BMAL2: variants seen among roughly 807,000 people sequenced by gnomAD.
BMAL2 encodes the protein basic helix-loop-helix ARNT-like protein 2.
At chr12:27,336,465 T>C in the BMAL2 span, among the ~76,000 whole-genome samples, 1 of 152,146 alleles carries the variant, frequency 6.6e-6, no homozygotes, top group South Asian at 2.1e-4. Flanking sequence ...ATGTTCTCTG[T>C]AGTAGCGTGT....
chr12:27,354,529 T>G, the BMAL2 span, among the ~76,000 whole-genome samples: 2 of 152,150 alleles, frequency 1.3e-5, no homozygotes, highest in Admixed American at 1.3e-4. Flanking sequence ...ACATGCAGTT[T>G]ACACATATAA....
At chr12:27,409,213 A>G in the BMAL2 span, among the ~76,000 whole-genome samples, 2 of 152,166 alleles carry the variant, frequency 1.3e-5, no homozygotes, top group Admixed American at 6.5e-5. Context: ...CAAGCTACCA[A>G]TGACTTTCTT....
At chr12:27,408,686 G>T in the BMAL2 span, among the ~76,000 whole-genome samples, 1 of 152,194 alleles carries the variant, frequency 6.6e-6, no homozygotes, top group Non-Finnish European at 1.5e-5. Context: ...ACTGGCACAA[G>T]ACAGGGATGC....
chr12:27,377,875 G>A, the BMAL2 span, among the ~76,000 whole-genome samples: 1 of 152,330 alleles, frequency 6.6e-6, no homozygotes, highest in Non-Finnish European at 1.5e-5. Context: ...TTCCAGGAGT[G>A]TCATTGCCGA....
the BMAL2 span, among the ~76,000 whole-genome samples, chr12:27,333,557 C>A: frequency 1.3e-5 from 2 of 152,278 alleles, no homozygotes; most frequent in African/African-American, 2.4e-5. Flanking sequence ...AGCCTCGGAC[C>A]TAGCCCGGTT....
At chr12:27,410,379 A>G in the BMAL2 span, among the ~76,000 whole-genome samples, 3 of 152,250 alleles carry the variant, frequency 2.0e-5, no homozygotes, top group African/African-American at 7.2e-5. Flanking sequence ...GATTAAGAAA[A>G]TGTGGCACAT....
the BMAL2 span, among the ~76,000 whole-genome samples, chr12:27,392,012 G>A: frequency 3.9e-5 from 6 of 152,162 alleles, no homozygotes; most frequent in African/African-American, 1.4e-4. Context: ...CTGTGTGATC[G>A]TAAGCAAGTT....
the BMAL2 span, among the ~76,000 whole-genome samples, chr12:27,344,340 G>T: frequency 1.3e-5 from 2 of 152,192 alleles, no homozygotes; most frequent in Admixed American, 1.3e-4. Flanking sequence ...GACTTTGAGA[G>T]CATCTGAGGT....
chr12:27,412,940 C>T, the BMAL2 span, among the ~76,000 whole-genome samples: 41 of 152,030 alleles, frequency 2.7e-4, no homozygotes, highest in Non-Finnish European at 5.3e-4. Context: ...TCAGCAGCTT[C>T]CTCAGCAGAA....
the BMAL2 span, chr12:27,418,201 G>C: frequency 6.3e-7 from 1 of 1,592,400 alleles, no homozygotes; most frequent in Non-Finnish European, 8.6e-7. Context: ...TCCTCAGTAA[G>C]TTTTCTTTGG....
chr12:27,393,756 A>G, the BMAL2 span, among the ~76,000 whole-genome samples: 2 of 152,182 alleles, frequency 1.3e-5, no homozygotes, highest in African/African-American at 4.8e-5. Context: ...GCCAAATGCA[A>G]AGGACACACT....
the BMAL2 span, among the ~76,000 whole-genome samples, chr12:27,409,615 C>A: frequency 6.6e-6 from 1 of 152,136 alleles, no homozygotes; most frequent in South Asian, 2.1e-4. Flanking sequence ...TAAAGACTTA[C>A]ATGTTAGACC....
chr12:27,373,154 C>T, the BMAL2 span, among the ~76,000 whole-genome samples: 5 of 152,066 alleles, frequency 3.3e-5, no homozygotes, highest in East Asian at 9.7e-4. Context: ...TTCTGAGCAT[C>T]GATCAAAGAG....
chr12:27,385,330 A>G, the BMAL2 span: 4 of 551,676 alleles, frequency 7.3e-6, no homozygotes, highest in Non-Finnish European at 1.3e-5. Flanking sequence ...AAATAATTAA[A>G]TTAAATGAAA....
chr12:27,359,787 A>G, the BMAL2 span, among the ~76,000 whole-genome samples: 1 of 152,228 alleles, frequency 6.6e-6, no homozygotes, highest in Non-Finnish European at 1.5e-5. Context: ...ATTGGAACAT[A>G]TAGCCTTATG....
At chr12:27,420,019 G>GCGCGCGCGCGCGCGCGCA in the BMAL2 span, among the ~76,000 whole-genome samples, 3 of 147,478 alleles carry the variant, frequency 2.0e-5, no homozygotes, top group African/African-American at 7.6e-5. Flanking sequence ...GTTTGCGCGT[G>GCGCGCGCGCGCGCGCGCA]CACACACACA....
the BMAL2 span, chr12:27,418,096 TAAG>T: frequency 1.9e-6 from 3 of 1,609,882 alleles, no homozygotes; most frequent in Non-Finnish European, 2.5e-6. Flanking sequence ...AGATGTCAAA[TAAG>T]GAGTTGTTTC....
At chr12:27,354,956 A>T in the BMAL2 span, among the ~76,000 whole-genome samples, 1 of 152,260 alleles carries the variant, frequency 6.6e-6, no homozygotes, top group Non-Finnish European at 1.5e-5. Flanking sequence ...TAATTCAGTG[A>T]TTACTAGATT....
chr12:27,397,371 A>G, the BMAL2 span, among the ~76,000 whole-genome samples: 1 of 152,180 alleles, frequency 6.6e-6, no homozygotes, highest in African/African-American at 2.4e-5. Context: ...CGCCCAGCCA[A>G]TTCACTGTGT....
Sources: gnomAD v4.1 joint callset for allele counts (sites outside exome capture counted in the v4.1 genomes callset) on GRCh38, gnomAD v4.1.1 for gene constraint, MANE v1.5 for transcripts, NCBI Gene and HGNC (gene_info 2026-07-23, HGNC 2026-07-21) for gene names.